The following SLC24A2 variants were observed in gnomAD, a reference collection of about 807,000 sequenced individuals.
SLC24A2 encodes the protein solute carrier family 24 member 2.
A neutral mutation model predicts 62.0 loss-of-function variants in SLC24A2; 36 were observed. That is an observed-to-expected ratio of 0.58 (90% confidence interval 0.44 to 0.77). SLC24A2 has a LOEUF of 0.77. Ranked by LOEUF, SLC24A2 falls within the 30% of genes least tolerant of loss-of-function variation. The pLI is 0.00. For missense variants in SLC24A2, 846 were observed against 817.9 expected, an observed-to-expected ratio of 1.03 and a Z score of -0.42; for synonymous variants, 358 against 294.0, an observed-to-expected ratio of 1.22 and a Z score of -2.23.
the SLC24A2 span, among the ~76,000 whole-genome samples, chr9:20,256,345 G>A: frequency 0.15 from 23,224 of 152,210 alleles, 1,855 homozygotes; most frequent in Middle Eastern, 0.18. Context: ...GCTCTGCTCT[G>A]ATGTGTCCTT....
At chr9:19,990,075 T>C in the SLC24A2 span, among the ~76,000 whole-genome samples, 1 of 152,154 alleles carries the variant, frequency 6.6e-6, no homozygotes, top group Non-Finnish European at 1.5e-5. Context: ...ATGACTAAAA[T>C]TATAAACATT....
chr9:19,780,795 C>A (rs530725358), intron 2 of SLC24A2, among the ~76,000 whole-genome samples: 1 of 150,214 alleles, frequency 6.7e-6, no homozygotes, highest in African/African-American at 2.4e-5. Flanking sequence ...ATGGCGTGAA[C>A]CCGGGAGGCG....
chr9:19,568,839 C>G (rs566133063), intron 7 of SLC24A2, among the ~76,000 whole-genome samples: 1 of 152,318 alleles, frequency 6.6e-6, no homozygotes, highest in South Asian at 2.1e-4. Flanking sequence ...AAAAAGCTTC[C>G]TTTCCATCCC....
intron 6 of SLC24A2, among the ~76,000 whole-genome samples, chr9:19,574,985 A>G (rs1835964417): frequency 6.6e-6 from 1 of 152,132 alleles, no homozygotes; most frequent in African/African-American, 2.4e-5. Flanking sequence ...TAGCAACTTC[A>G]GAGGGACTAG....
At chr9:20,108,846 A>G in the SLC24A2 span, among the ~76,000 whole-genome samples, 1 of 152,210 alleles carries the variant, frequency 6.6e-6, no homozygotes, top group Admixed American at 6.5e-5. Flanking sequence ...CTTAAAGTAT[A>G]GTAATAATAA....
chr9:20,213,151 T>C, the SLC24A2 span, among the ~76,000 whole-genome samples: 2 of 151,832 alleles, frequency 1.3e-5, no homozygotes, highest in Non-Finnish European at 2.9e-5. Flanking sequence ...AGCAAACCCT[T>C]ACATCCTGTA....
At chr9:19,531,193 A>G (rs1833691435) in intron 8 of SLC24A2, among the ~76,000 whole-genome samples, 1 of 152,198 alleles carries the variant, frequency 6.6e-6, no homozygotes. Flanking sequence ...TAACTGTTGA[A>G]CTACTTTACC....
chr9:19,713,451 A>T (rs1223637584), intron 2 of SLC24A2, among the ~76,000 whole-genome samples: 5 of 152,212 alleles, frequency 3.3e-5, no homozygotes, highest in Non-Finnish European at 7.3e-5. Flanking sequence ...ATGCGAAAAT[A>T]AATTATAATT....
chr9:19,718,681 A>T (rs1202857917), intron 2 of SLC24A2, among the ~76,000 whole-genome samples: 1 of 152,070 alleles, frequency 6.6e-6, no homozygotes, highest in Non-Finnish European at 1.5e-5. Context: ...AGCCAGGCTT[A>T]TGGTCACTGC....
the SLC24A2 span, among the ~76,000 whole-genome samples, chr9:20,204,996 C>T: frequency 3.9e-5 from 6 of 152,154 alleles, no homozygotes; most frequent in South Asian, 4.2e-4. Flanking sequence ...CCACCTCCCT[C>T]GTCCTCCCAA....
At chr9:19,621,722 T>G (rs565446152) in intron 3 of SLC24A2, among the ~76,000 whole-genome samples, 4 of 152,330 alleles carry the variant, frequency 2.6e-5, no homozygotes, top group African/African-American at 7.2e-5. Flanking sequence ...GTCCTTATTC[T>G]GCGAAACTGG....
At chr9:20,234,829 GCT>G in the SLC24A2 span, among the ~76,000 whole-genome samples, 2 of 152,298 alleles carry the variant, frequency 1.3e-5, no homozygotes, top group South Asian at 4.1e-4. Flanking sequence ...CAGTTTTTCT[GCT>G]CTGTTTTTTT....
chr9:19,924,172 G>A, the SLC24A2 span, among the ~76,000 whole-genome samples: 1 of 152,174 alleles, frequency 6.6e-6, no homozygotes, highest in African/African-American at 2.4e-5. Context: ...ATACCCAGTT[G>A]GTTCAGGCAA....
At chr9:20,030,896 C>A in the SLC24A2 span, among the ~76,000 whole-genome samples, 1 of 151,990 alleles carries the variant, frequency 6.6e-6, no homozygotes, top group African/African-American at 2.4e-5. Context: ...AGTGATGACT[C>A]CACCCGCTGC....
the SLC24A2 span, among the ~76,000 whole-genome samples, chr9:20,137,099 T>G: frequency 6.6e-6 from 1 of 152,130 alleles, no homozygotes; most frequent in African/African-American, 2.4e-5. Flanking sequence ...GAAAGTACTG[T>G]TGAACATCCC....
the SLC24A2 span, among the ~76,000 whole-genome samples, chr9:19,909,817 A>G: frequency 6.6e-6 from 1 of 152,098 alleles, no homozygotes; most frequent in Non-Finnish European, 1.5e-5. Context: ...CGGTTATGCC[A>G]GAGTGGTGTA....
chr9:20,190,710 T>C, the SLC24A2 span, among the ~76,000 whole-genome samples: 1 of 152,152 alleles, frequency 6.6e-6, no homozygotes, highest in East Asian at 1.9e-4. Flanking sequence ...AGTCATGAGC[T>C]TGAAATCTGG....
At chr9:19,649,575 G>C (rs950452856) in intron 2 of SLC24A2, among the ~76,000 whole-genome samples, 1 of 152,112 alleles carries the variant, frequency 6.6e-6, no homozygotes, top group African/African-American at 2.4e-5. Context: ...AGTATACACT[G>C]ACATTTGGAG....
At chr9:20,108,216 A>G in the SLC24A2 span, among the ~76,000 whole-genome samples, 16,766 of 151,832 alleles carry the variant, frequency 0.11, 977 homozygotes, top group Middle Eastern at 0.17. Flanking sequence ...TGGAGAGGAT[A>G]TGGAGAAATA....
Sources: allele counts gnomAD v4.1 joint callset (sites outside exome capture counted in the v4.1 genomes callset), GRCh38; gene constraint gnomAD v4.1.1; transcripts MANE v1.5; gene names NCBI Gene and HGNC (gene_info 2026-07-23, HGNC 2026-07-21).